The following MOCS1 variants were observed in gnomAD, a reference collection of about 807,000 sequenced individuals.
MOCS1 encodes molybdenum cofactor biosynthesis protein 1.
A neutral mutation model predicts 57.6 loss-of-function variants in MOCS1; 39 were observed. That is an observed-to-expected ratio of 0.68 (90% CI 0.52 to 0.88). The LOEUF is 0.88. MOCS1 is among the 40% of genes least tolerant of loss of function. The probability of loss-of-function intolerance (pLI) is 0.00; values close to 1 mark genes in which losing one functional copy is unlikely to be tolerated. For synonymous variants in MOCS1, 334 were observed against 335.7 expected (o/e 1.00, Z 0.05); for missense variants, 795 against 831.1 (o/e 0.96, Z 0.53).
At chr6:39,916,039 G>A (rs1767637463) in intron 4 of MOCS1, 29 bp downstream of exon 4, 1 of 1,579,784 alleles carries the variant, frequency 6.3e-7, no homozygotes, top group African/African-American at 1.4e-5. Context: ...GCCCTGGGAG[G>A]GACACCCACC....
At chr6:39,913,497 G>T in intron 5 of MOCS1, 69 bp from the exon 6 acceptor site, 4 of 1,385,640 alleles carry the variant, frequency 2.9e-6, no homozygotes, top group Non-Finnish European at 4.1e-6. Flanking sequence ...GACCCTTGGG[G>T]GCCTGGCACT....
At position 39,905,433 on chromosome 6, in the gene MOCS1, GGATT is replaced by G. The variant is rs3839624; in HGVS notation, c.*920_*923del. On this transcript the variant is annotated 3_prime_UTR_variant, in exon 11 of 11. Coordinates refer to ENST00000340692, the MANE Select transcript of MOCS1 (RefSeq NM_001358530.2). ...CCTCAGGGAACTGTGTCTTGGGATA[GGATT>G]GATTGATTGATTGATAGGTGCAGCC... The G allele has an allele frequency of 0.026, 12,361 of 470,620 alleles. 408 individuals are homozygous for G. The highest frequency in any genetic ancestry group is 0.11 in the African/African-American group (5,648 of 50,132). The allele number at this position is 470,620 out of a possible 1,614,324, so 29.2% of individuals were successfully genotyped here. A position where few individuals can be genotyped will look rare whatever the true frequency, so the allele number is the denominator to read the frequency against.
At chr6:39,916,832 G>A (rs559690021) in intron 3 of MOCS1, among the ~76,000 whole-genome samples, 79 of 152,286 alleles carry the variant, frequency 5.2e-4, no homozygotes, top group African/African-American at 1.7e-3. Context: ...AGATGGAACC[G>A]ACCAGACGGA....
At chr6:39,934,177 A>G in intron 1 of MOCS1, 118 bp downstream of exon 1, 1 of 1,330,766 alleles carries the variant, frequency 7.5e-7, no homozygotes, top group Non-Finnish European at 9.9e-7. Context: ...GAGGAGTGCC[A>G]ACGGGTCCCT....
rs778546383 is a variant in MOCS1, at chr6:39,913,018, G to A, written c.758-14C>T. ...TCCACTTGTTGCCTGTATTCGGGAT[G>A]GGGGAAGGCAAGGGGAGCTTCTGAA... On this transcript the variant is annotated splice_polypyrimidine_tract_variant and intron_variant, in intron 6 of 10. Transcript: ENST00000340692. 1 of 1,610,044 alleles carries A rather than the reference G, an allele frequency of 6.2e-7. No homozygotes were observed. The highest frequency in any genetic ancestry group is 8.5e-7 in the Non-Finnish European group (1 of 1,176,344).
At chr6:39,928,125 G>A (rs929110559) in intron 1 of MOCS1, among the ~76,000 whole-genome samples, 1 of 151,650 alleles carries the variant, frequency 6.6e-6, no homozygotes, top group African/African-American at 2.4e-5. Flanking sequence ...GAACACCCTC[G>A]GCAGAAGCAG....
intron 6 of MOCS1, 88 bp from the exon 7 acceptor site, chr6:39,913,092 C>A (rs959461157): frequency 2.8e-6 from 3 of 1,060,626 alleles, no homozygotes; most frequent in Middle Eastern, 2.1e-4. Flanking sequence ...CCTGCCACAG[C>A]ATAGCAATCA....
intron 9 of MOCS1, 124 bp from the exon 10 acceptor site, chr6:39,909,226 GGGGGAGGGGAGAGGGAGAGGAAA>G: frequency 6.4e-3 from 5 of 784 alleles, no homozygotes; most frequent in Non-Finnish European, 0.012. Context: ...AAGCAGGGGA[GGGGGAGGGGAGAGGGAGAGGAAA>G]GCAGGGGAGG....
At chr6:39,928,971 G>A (rs1768494418) in intron 1 of MOCS1, among the ~76,000 whole-genome samples, 3 of 152,148 alleles carry the variant, frequency 2.0e-5, no homozygotes, top group African/African-American at 7.2e-5. Flanking sequence ...TTCCAGTGGA[G>A]ACCAACTAAA....
Position 39,904,735 on chromosome 6 carries a change from GC to G in MOCS1, c.*1621del. 2.2e-6 allele frequency: 1 copy of G among 454,092 alleles called. No individual in the cohort carries two copies. The highest frequency in any genetic ancestry group is 4.4e-6 in the Non-Finnish European group (1 of 226,782). 28.1% of individuals were successfully genotyped at this position (454,092 alleles called of 1,614,324 possible). Reference sequence around the variant, plus strand: ...CTACCAGGGATGCCTTCACGCCAAGGCTGTTCTCACCAGCTGCCTCAGATGA... The same window carrying G: ...CTACCAGGGATGCCTTCACGCCAAGGTGTTCTCACCAGCTGCCTCAGATGA... On this transcript the variant is annotated 3_prime_UTR_variant, in exon 11 of 11. Transcript: ENST00000340692.
chr6:39,934,458 A>G lies in MOCS1; in HGVS notation c.-41T>C. 1 of 1,553,552 alleles carries G rather than the reference A, an allele frequency of 6.4e-7. No individual in the cohort carries two copies. The highest frequency in any genetic ancestry group is 8.6e-7 in the Non-Finnish European group (1 of 1,156,732). On this transcript the variant is annotated 5_prime_UTR_variant, in exon 1 of 11. Transcript: ENST00000340692. ...CGGAACCGCAGCCCGCTTCGGGAGCACACTGGCCGGGCACTCGCCCCCGGG... is the reference window on the plus strand; with the variant it reads ...CGGAACCGCAGCCCGCTTCGGGAGCGCACTGGCCGGGCACTCGCCCCCGGG...
At chr6:39,923,945 G>A (rs930567882) in intron 3 of MOCS1, among the ~76,000 whole-genome samples, 4 of 152,166 alleles carry the variant, frequency 2.6e-5, no homozygotes, top group Admixed American at 6.5e-5. Context: ...GCACTCCAGC[G>A]AACAATTACT....
intron 4 of MOCS1, among the ~76,000 whole-genome samples, chr6:39,914,595 CCCCCT>C (rs1472147871): frequency 1.3e-5 from 2 of 152,172 alleles, no homozygotes; most frequent in Non-Finnish European, 2.9e-5. Flanking sequence ...TGCATCCTGG[CCCCCT>C]CCAGCACCCC....
At chr6:39,918,808 C>T (rs947246909) in intron 3 of MOCS1, among the ~76,000 whole-genome samples, 1 of 151,394 alleles carries the variant, frequency 6.6e-6, no homozygotes, top group Non-Finnish European at 1.5e-5. Flanking sequence ...ATTCTTTCTG[C>T]TTTTCTGAAA....
Position 39,905,076 on chromosome 6 carries a change from T to A in MOCS1, c.*1281A>T. ...TGTCTTTTCCAGAGAGCTGGTTGTT[T>A]AATATTTGCCAGCACACCTTGGCAT... On this transcript the variant is annotated 3_prime_UTR_variant, in exon 11 of 11. Coordinates refer to ENST00000340692, the MANE Select transcript of MOCS1 (RefSeq NM_001358530.2). 1 of 454,334 alleles carries A rather than the reference T, an allele frequency of 2.2e-6. No homozygotes were observed. The highest frequency in any genetic ancestry group is 4.4e-6 in the Non-Finnish European group (1 of 226,826). 28.1% of individuals were successfully genotyped at this position (454,334 alleles called of 1,614,324 possible). A position where few individuals can be genotyped will look rare whatever the true frequency, so the allele number is the denominator to read the frequency against.
At chr6:39,922,753 G>T (rs891715204) in intron 3 of MOCS1, among the ~76,000 whole-genome samples, 1 of 152,156 alleles carries the variant, frequency 6.6e-6, no homozygotes, top group South Asian at 2.1e-4. Flanking sequence ...CAGAGCTTCA[G>T]ACATGGACCT....
At chr6:39,917,079 A>G (rs1767701207) in intron 3 of MOCS1, among the ~76,000 whole-genome samples, 1 of 152,208 alleles carries the variant, frequency 6.6e-6, no homozygotes, top group Non-Finnish European at 1.5e-5. Flanking sequence ...ACCAGTGCAG[A>G]CACTTAAGCC....
intron 8 of MOCS1, among the ~76,000 whole-genome samples, chr6:39,911,736 A>G (rs899700067): frequency 4.0e-5 from 6 of 151,156 alleles, no homozygotes; most frequent in Non-Finnish European, 1.5e-5. Context: ...GATGCCCTGC[A>G]CTCTCACAGG....
chr6:39,926,437 AGCAGCG>A (rs149721703), intron 2 of MOCS1, among the ~76,000 whole-genome samples: 7,883 of 151,576 alleles, frequency 0.052, 509 homozygotes, highest in East Asian at 0.26. Context: ...AAATGAGGTG[AGCAGCG>A]GCAGGCTGTG....
Sources: gnomAD v4.1 joint callset for allele counts (sites outside exome capture counted in the v4.1 genomes callset) on GRCh38, gnomAD v4.1.1 for gene constraint, MANE v1.5 for transcripts, NCBI Gene and HGNC (gene_info 2026-07-23, HGNC 2026-07-21) for gene names.